Variants in DISP2 observed in about 807,000 individuals in gnomAD.
DISP2 encodes protein dispatched homolog 2.
In DISP2, 59 loss-of-function variants were observed where a neutral mutation model predicts 95.5. That is an observed-to-expected ratio of 0.62 (90% CI 0.50 to 0.77). The LOEUF is 0.77. DISP2 is among the 30% of genes least tolerant of loss of function. The pLI, the probability that DISP2 is intolerant of heterozygous loss-of-function variation, is 0.00. For synonymous variants in DISP2, 827 were observed against 815.0 expected (o/e 1.01, Z -0.25); for missense variants, 1,752 against 1,854.6 (o/e 0.94, Z 1.02).
rs1179575096 is a variant in DISP2, at chr15:40,376,157, A to G, written c.*5839A>G. ...AAATATATATTAAAAAGGAAAAAATAATAAAAATTTTTAAAAATAATTCAA... is the reference window on the plus strand; with the variant it reads ...AAATATATATTAAAAAGGAAAAAATGATAAAAATTTTTAAAAATAATTCAA... On this transcript the variant is annotated 3_prime_UTR_variant, in exon 8 of 8. Coordinates refer to ENST00000267889, the MANE Select transcript of DISP2 (RefSeq NM_033510.3). 6.6e-6 allele frequency: 1 copy of G among 151,948 alleles called. No individual in the cohort carries two copies. The highest frequency in any genetic ancestry group is 2.4e-5 in the African/African-American group (1 of 41,432). The allele number at this position is 151,948 out of a possible 1,614,324, so 9.4% of individuals were successfully genotyped here. A position where few individuals can be genotyped will look rare whatever the true frequency, so the allele number is the denominator to read the frequency against.
chr15:40,370,709 T>C lies in DISP2; in HGVS notation c.*391T>C, dbSNP rs935841368. The C allele has an allele frequency of 2.3e-5, 11 of 474,074 alleles. No homozygotes were observed. The highest frequency in any genetic ancestry group is 1.8e-4 in the African/African-American group (9 of 50,910). The allele number at this position is 474,074 out of a possible 1,614,324, so 29.4% of individuals were successfully genotyped here. On this transcript the variant is annotated 3_prime_UTR_variant, in exon 8 of 8. Coordinates refer to ENST00000267889, the MANE Select transcript of DISP2 (RefSeq NM_033510.3). ...GACTAAGGGACCCCCATCCTAGGGA[T>C]CTTGTCAGGGTTCCTTACTGACCAG...
chr15:40,364,588 C>T (rs1423673972), intron 4 of DISP2, 44 bp downstream of exon 4: 1 of 1,598,840 alleles, frequency 6.3e-7, no homozygotes, highest in Non-Finnish European at 8.5e-7. Context: ...GCCTGGCCAC[C>T]TTGACCCAGC....
At position 40,364,558 on chromosome 15, in the gene DISP2, G is replaced by T. The variant is rs371358127; in HGVS notation, c.603+14G>T. 12 of 1,611,632 alleles carry T rather than the reference G, an allele frequency of 7.4e-6. No individual in the cohort carries two copies. On this transcript the variant is annotated intron_variant, in intron 4 of 7. Transcript: ENST00000267889. Reference sequence around the variant, plus strand: ...AAGCCTTTGCTGGTGAGGAACCAAGGGGTGGGACGGGGTCCCCAGGCCTGG... The same window carrying T: ...AAGCCTTTGCTGGTGAGGAACCAAGTGGTGGGACGGGGTCCCCAGGCCTGG...
rs1595722188 is a variant in DISP2, at chr15:40,358,259, C to T, written c.-63C>T. 4 of 1,151,528 alleles carry T rather than the reference C, an allele frequency of 3.5e-6. No individual in the cohort carries two copies. Among genetic ancestry groups the T allele is most frequent in the South Asian group, 4.2e-5 (1 of 23,948 alleles). 71.3% of individuals were successfully genotyped at this position (1,151,528 alleles called of 1,614,324 possible). A position where few individuals can be genotyped will look rare whatever the true frequency, so the allele number is the denominator to read the frequency against. On this transcript the variant is annotated 5_prime_UTR_variant, in exon 1 of 8. Coordinates refer to ENST00000267889, the MANE Select transcript of DISP2 (RefSeq NM_033510.3). ...CCGCCGCCGCTGCCGCCGCCACCGC[C>T]GCCGCCGCCGCCGCCGCCGCGGCTT...
In DISP2 at chr15:40,368,035, C is replaced by A; in HGVS notation, c.1923C>A (p.Ala641=). 6.5e-7 allele frequency: 1 copy of A among 1,530,672 alleles called. No individual in the cohort carries two copies. Among genetic ancestry groups the A allele is most frequent in the Non-Finnish European group, 8.7e-7 (1 of 1,144,250 alleles). The allele number at this position is 1,530,672 out of a possible 1,614,324, so 94.8% of individuals were successfully genotyped here. A position where few individuals can be genotyped will look rare whatever the true frequency, so the allele number is the denominator to read the frequency against. ...ALTLVWLPAS[A]VLHERYLARG... is the part of the protein sequence containing the mutation. Reference sequence around the variant, plus strand: ...CGCTGGTCTGGCTGCCCGCCTCCGCCGTGCTCCACGAGCGCTACCTGGCGC... The same window carrying A: ...CGCTGGTCTGGCTGCCCGCCTCCGCAGTGCTCCACGAGCGCTACCTGGCGC... The change falls in exon 8 of 8, where the codon GCC becomes GCA. Residue 641 remains alanine, a synonymous_variant. Coordinates refer to ENST00000267889, the MANE Select transcript of DISP2 (RefSeq NM_033510.3).
chr15:40,368,667 GC>G lies in DISP2; in HGVS notation c.2557del (p.Leu853TrpfsTer23), dbSNP rs1566917009. On this transcript the variant is annotated frameshift_variant, in exon 8 of 8. Coordinates refer to ENST00000267889, the MANE Select transcript of DISP2 (RefSeq NM_033510.3). LOFTEE classifies it high-confidence loss of function. ...TGGATGGAGAGCCCCAGCTGCGCCC[GC>G]CTGGGGCCTGACCTCTGCTGCGGCC... ...QRWMESPSCA[R>X]LGPDLCCGHS... 6.2e-7 allele frequency: 1 copy of G among 1,611,362 alleles called. No homozygotes were observed. The highest frequency in any genetic ancestry group is 8.5e-7 in the Non-Finnish European group (1 of 1,179,982).
In DISP2 at chr15:40,364,416, C is replaced by T. The variant is rs771868462; in HGVS notation, c.480-5C>T. The T allele has an allele frequency of 6.2e-7, 1 of 1,613,670 alleles. No individual in the cohort carries two copies. The highest frequency in any genetic ancestry group is 8.5e-7 in the Non-Finnish European group (1 of 1,179,974). On this transcript the variant is annotated splice_polypyrimidine_tract_variant and splice_region_variant and intron_variant, in intron 3 of 7. Coordinates refer to ENST00000267889, the MANE Select transcript of DISP2 (RefSeq NM_033510.3). The stretch of plus-strand genomic sequence containing the variant: ...AACTCATGTGGACTCCTCCCTCTTT[C>T]CCAGCTATTCCCAGCTGATTGCTGA...
chr15:40,365,343 C>A, intron 6 of DISP2, 69 bp downstream of exon 6: 2 of 1,574,056 alleles, frequency 1.3e-6, no homozygotes, highest in Non-Finnish European at 1.7e-6. Context: ...GACAGGCAGG[C>A]CCAGAACAAA....
chr15:40,368,128 G>C lies in DISP2; in HGVS notation c.2016G>C (p.Leu672=), dbSNP rs750728051. ...CGCCCCGGCGGCTACTGCTGGCGCT[G>C]CACCGGCGGCTCCGCGGCCTGCGGA... ...GSAPRRLLLA[L]HRRLRGLRRA... is the part of the protein sequence containing the mutation. The change falls in exon 8 of 8, where the codon CTG becomes CTC. Residue 672 remains leucine, a synonymous_variant. Coordinates refer to ENST00000267889, the MANE Select transcript of DISP2 (RefSeq NM_033510.3). The C allele has an allele frequency of 2.3e-5, 33 of 1,465,430 alleles. No homozygotes were observed. Among genetic ancestry groups the C allele is most frequent in the Non-Finnish European group, 2.8e-5 (31 of 1,115,746 alleles). 90.8% of individuals were successfully genotyped at this position (1,465,430 alleles called of 1,614,324 possible). A position where few individuals can be genotyped will look rare whatever the true frequency, so the allele number is the denominator to read the frequency against.
In DISP2 at chr15:40,372,028, C is replaced by T. The variant is rs1452087625; in HGVS notation, c.*1710C>T. 1 of 152,172 alleles carries T rather than the reference C, an allele frequency of 6.6e-6. No homozygotes were observed. The highest frequency in any genetic ancestry group is 2.4e-5 in the African/African-American group (1 of 41,424). The allele number at this position is 152,172 out of a possible 1,614,324, so 9.4% of individuals were successfully genotyped here. A position where few individuals can be genotyped will look rare whatever the true frequency, so the allele number is the denominator to read the frequency against. ...CCAAGCGTCTCAGACTGGAAGGGGC[C>T]TTGGCGATCGTTTATTCCAGCAGTT... On this transcript the variant is annotated 3_prime_UTR_variant, in exon 8 of 8. Coordinates refer to ENST00000267889, the MANE Select transcript of DISP2 (RefSeq NM_033510.3).
At chr15:40,364,570 GT>G in intron 4 of DISP2, 26 bp downstream of exon 4, 1 of 1,609,952 alleles carries the variant, frequency 6.2e-7, no homozygotes, top group Non-Finnish European at 8.5e-7. Context: ...GTGGGACGGG[GT>G]CCCCAGGCCT....
chr15:40,376,816 T>G lies in DISP2; in HGVS notation c.*6498T>G, dbSNP rs767516226. 6.6e-6 allele frequency: 1 copy of G among 151,788 alleles called. No homozygotes were observed. Among genetic ancestry groups the G allele is most frequent in the Non-Finnish European group, 1.5e-5 (1 of 67,936 alleles). 9.4% of individuals were successfully genotyped at this position (151,788 alleles called of 1,614,324 possible). On this transcript the variant is annotated 3_prime_UTR_variant, in exon 8 of 8. Coordinates refer to ENST00000267889, the MANE Select transcript of DISP2 (RefSeq NM_033510.3). ...GAGACCTTAACTCTAAAAAAAGAAA[T>G]AAAGAAGAATTTAAACTGAAAGTGA...
chr15:40,363,926 G>A lies in DISP2; in HGVS notation c.421G>A (p.Ala141Thr), dbSNP rs530696119. 1.9e-4 allele frequency: 294 copies of A among 1,548,392 alleles called. 5 individuals are homozygous for A. The South Asian group carries it at 3.2e-3, about 17-fold the overall frequency. The change falls in exon 2 of 8, where the codon GCT (alanine) becomes ACT (threonine). Residue 141 changes from alanine to threonine, a missense_variant. This residue lies in a region of DISP2 where 342 missense variants were observed against 364.3 expected (regional missense o/e 0.94). Coordinates refer to ENST00000267889, the MANE Select transcript of DISP2 (RefSeq NM_033510.3). ...SQRDGTWKPPAVQHHVVSVRQ... is the reference protein window; with the variant it reads ...SQRDGTWKPPTVQHHVVSVRQ... ...GCGCGATGGGACCTGGAAGCCACCC[G>A]CTGTGCAGCACCATGTGGTCAGCGT...
At position 40,370,862 on chromosome 15, in the gene DISP2, C is replaced by G. The variant is rs1439204073; in HGVS notation, c.*544C>G. ...GGGCTGGGACCTCTCTCCCCAACTG[C>G]CCTGCTCTCCTCATACTCACCGGTT... On this transcript the variant is annotated 3_prime_UTR_variant, in exon 8 of 8. Coordinates refer to ENST00000267889, the MANE Select transcript of DISP2 (RefSeq NM_033510.3). 3.0e-6 allele frequency: 1 copy of G among 328,218 alleles called. No individual in the cohort carries two copies. Among genetic ancestry groups the G allele is most frequent in the Non-Finnish European group, 6.1e-6 (1 of 162,844 alleles). The allele number at this position is 328,218 out of a possible 1,614,324, so 20.3% of individuals were successfully genotyped here.
intron 7 of DISP2, 127 bp from the exon 8 acceptor site, chr15:40,366,931 G>A (rs1889505161): frequency 8.0e-7 from 1 of 1,251,516 alleles, no homozygotes. Context: ...ATCTCACCAG[G>A]CTGTCAAGAT....
chr15:40,362,074 C>G (rs1195281653), intron 1 of DISP2, among the ~76,000 whole-genome samples: 3 of 152,246 alleles, frequency 2.0e-5, no homozygotes, highest in Admixed American at 2.0e-4. Flanking sequence ...CACACATGCA[C>G]AGAGTATTGC....
chr15:40,372,569 T>C lies in DISP2; in HGVS notation c.*2251T>C, dbSNP rs1370326107. 1.3e-5 allele frequency: 2 copies of C among 152,182 alleles called. No individual in the cohort carries two copies. Among genetic ancestry groups the C allele is most frequent in the Non-Finnish European group, 2.9e-5 (2 of 68,046 alleles). The allele number at this position is 152,182 out of a possible 1,614,324, so 9.4% of individuals were successfully genotyped here. A position where few individuals can be genotyped will look rare whatever the true frequency, so the allele number is the denominator to read the frequency against. ...CAGGAAGGGGAAGCTGGAACCTAATTTGAACCTGTCCCCAGGGGGTCTGCT... is the reference window on the plus strand; with the variant it reads ...CAGGAAGGGGAAGCTGGAACCTAATCTGAACCTGTCCCCAGGGGGTCTGCT... On this transcript the variant is annotated 3_prime_UTR_variant, in exon 8 of 8. Transcript: ENST00000267889.
Position 40,364,478 on chromosome 15 carries a change from C to A in DISP2, c.537C>A (p.Val179=). The A allele has an allele frequency of 6.2e-7, 1 of 1,614,100 alleles. No individual in the cohort carries two copies. The highest frequency in any genetic ancestry group is 1.1e-5 in the South Asian group (1 of 91,084). Residue 179 remains valine (V), a synonymous_variant, in exon 4 of 8, where the codon GTC becomes GTA. Transcript: ENST00000267889. The stretch of plus-strand genomic sequence containing the variant: ...CCGTGCTGATGCTGTGTCTGGCTGT[C>A]ATCTTCCTCTGCACCCTGGCTGGAC... The part of the protein sequence containing the change: ...PVAVLMLCLA[V]IFLCTLAGLL...
rs1249110085 is a variant in DISP2 at position 40,374,209 on chromosome 15, A to ATT, written c.*3908_*3909dup. 10,834 of 129,264 alleles carry ATT rather than the reference A, an allele frequency of 0.084. 663 individuals are homozygous for ATT. Among genetic ancestry groups the ATT allele is most frequent in the Non-Finnish European group, 0.13 (7,664 of 61,130 alleles). The allele number at this position is 129,264 out of a possible 1,614,324, so 8.0% of individuals were successfully genotyped here. On this transcript the variant is annotated 3_prime_UTR_variant, in exon 8 of 8. Transcript: ENST00000267889. Reference sequence around the variant, plus strand: ...GCGGGCAATATTCCAGCTTGAGACAATTTTTTTTTTTTTTTTTTGAGACAG... The same window carrying ATT: ...GCGGGCAATATTCCAGCTTGAGACAATTTTTTTTTTTTTTTTTTTTGAGACAG...
Sources: allele counts gnomAD v4.1 joint callset (sites outside exome capture counted in the v4.1 genomes callset), GRCh38; gene constraint gnomAD v4.1.1; regional missense constraint gnomAD v4.1.1; transcripts MANE v1.5; gene names NCBI Gene and HGNC (gene_info 2026-07-23, HGNC 2026-07-21).